Variants in MECOM observed in about 807,000 individuals in gnomAD.
MECOM encodes MDS1 and EVI1 complex locus.
In MECOM, 13 loss-of-function variants were observed where a neutral mutation model predicts 116.3. The ratio of observed to expected loss-of-function variants is 0.11; its 90% CI spans 0.07 to 0.18. The LOEUF (loss-of-function observed/expected upper bound fraction) is 0.18. Ranked by LOEUF, MECOM falls within the 10% of genes least tolerant of loss-of-function variation. The probability of loss-of-function intolerance (pLI) is 1.00; values close to 1 mark genes in which losing one functional copy is unlikely to be tolerated. For missense variants in MECOM, 1,299 were observed against 1,509.0 expected (o/e 0.86, Z 2.31); for synonymous variants, 528 against 535.2 (o/e 0.99, Z 0.19).
intron 1 of MECOM, among the ~76,000 whole-genome samples, chr3:169,620,930 T>A (rs1770636522): frequency 6.6e-6 from 1 of 152,198 alleles, no homozygotes; most frequent in South Asian, 2.1e-4. Flanking sequence ...TATTGCCTGA[T>A]ATAGGAAAAA....
chr3:169,275,180 G>C (rs1759429634), intron 2 of MECOM, among the ~76,000 whole-genome samples: 1 of 152,068 alleles, frequency 6.6e-6, no homozygotes, highest in Non-Finnish European at 1.5e-5. Flanking sequence ...CTTACCATAG[G>C]ACCTGCTAAA....
chr3:169,387,347 A>T (rs908511663), intron 1 of MECOM, among the ~76,000 whole-genome samples: 5 of 152,166 alleles, frequency 3.3e-5, no homozygotes, highest in Non-Finnish European at 7.4e-5. Flanking sequence ...TTCGGTTCTT[A>T]TTTGCAAGGC....
intron 1 of MECOM, among the ~76,000 whole-genome samples, chr3:169,425,674 A>G (rs888823749): frequency 2.0e-5 from 3 of 152,186 alleles, no homozygotes; most frequent in African/African-American, 4.8e-5. Flanking sequence ...GCGATAGAGC[A>G]TATTTAAAAG....
chr3:169,413,555 A>G (rs983325592), intron 1 of MECOM, among the ~76,000 whole-genome samples: 1 of 151,360 alleles, frequency 6.6e-6, no homozygotes, highest in South Asian at 2.1e-4. Flanking sequence ...ACTACCCTGC[A>G]AAGGGGGCTG....
intron 2 of MECOM, among the ~76,000 whole-genome samples, chr3:169,271,419 A>G (rs1758928678): frequency 6.6e-6 from 1 of 152,240 alleles, no homozygotes; most frequent in South Asian, 2.1e-4. Context: ...TTGCTTATGG[A>G]GAAAGCCACA....
At chr3:169,223,407 T>C (rs534120312) in intron 2 of MECOM, among the ~76,000 whole-genome samples, 28 of 151,398 alleles carry the variant, frequency 1.8e-4, no homozygotes, top group Admixed American at 9.2e-4. Context: ...GTCCTTGTGA[T>C]AGTTTGCTCA....
intron 7 of MECOM, among the ~76,000 whole-genome samples, chr3:169,118,462 G>C (rs1729893538): frequency 6.6e-6 from 1 of 152,026 alleles, no homozygotes; most frequent in Admixed American, 6.6e-5. Context: ...AATTTAAACT[G>C]TTTGATACAC....
chr3:169,329,512 G>T (rs138158938), intron 2 of MECOM, among the ~76,000 whole-genome samples: 1 of 152,130 alleles, frequency 6.6e-6, no homozygotes, highest in Admixed American at 6.5e-5. Flanking sequence ...CTTTTCTAAG[G>T]CACTAAGACG....
At chr3:169,213,485 C>G (rs1382048067) in intron 2 of MECOM, among the ~76,000 whole-genome samples, 1 of 151,998 alleles carries the variant, frequency 6.6e-6, no homozygotes, top group Non-Finnish European at 1.5e-5. Context: ...CATTTTGACT[C>G]CATGTTCTCA....
chr3:169,478,091 A>G lies in MECOM; in HGVS notation c.38-96567T>C, dbSNP rs936983596. Reference sequence around the variant, plus strand: ...AAAGACAGGGAAGGAGCAGATAATGAAATTCAGGGATGACAAATGGCTCGG... The same window carrying G: ...AAAGACAGGGAAGGAGCAGATAATGGAATTCAGGGATGACAAATGGCTCGG... On this transcript the variant is annotated intron_variant, in intron 1 of 16. Transcript: ENST00000651503. Among the ~76,000 whole-genome samples the G allele has an allele frequency of 4.6e-5, 7 of 152,338 alleles. No homozygotes were observed. In the East Asian group the frequency reaches 1.4e-3, roughly 29 times the overall value.
chr3:169,432,432 A>G (rs1037523671), intron 1 of MECOM, among the ~76,000 whole-genome samples: 5 of 152,328 alleles, frequency 3.3e-5, no homozygotes, highest in African/African-American at 9.6e-5. Context: ...TGCTGGGATT[A>G]TAGGCGTGAG....
intron 16 of MECOM, among the ~76,000 whole-genome samples, chr3:169,087,909 G>C (rs1718357491): frequency 6.6e-6 from 1 of 152,142 alleles, no homozygotes; most frequent in Admixed American, 6.5e-5. Context: ...GTAGATGGTG[G>C]CTGCTTTAAC....
intron 2 of MECOM, among the ~76,000 whole-genome samples, chr3:169,371,390 A>G (rs1358378170): frequency 6.6e-6 from 1 of 151,994 alleles, no homozygotes; most frequent in Non-Finnish European, 1.5e-5. Flanking sequence ...GTTAAAGGGT[A>G]CAAACTGGCA....
intron 1 of MECOM, among the ~76,000 whole-genome samples, chr3:169,593,303 T>TC (rs770805088): frequency 6.6e-6 from 1 of 152,122 alleles, no homozygotes; most frequent in South Asian, 2.1e-4. Context: ...ATTAATTTTT[T>TC]CAAGACTACA....
At chr3:169,332,171 A>G (rs1046357093) in intron 2 of MECOM, among the ~76,000 whole-genome samples, 11 of 152,190 alleles carry the variant, frequency 7.2e-5, no homozygotes, top group Non-Finnish European at 1.3e-4. Flanking sequence ...CTCTTAAGAA[A>G]GTCACATTAC....
chr3:169,421,200 C>T (rs1392930621), intron 1 of MECOM, among the ~76,000 whole-genome samples: 5 of 151,996 alleles, frequency 3.3e-5, no homozygotes, highest in African/African-American at 1.2e-4. Context: ...GAAGGCTAAA[C>T]GATTAGGTTC....
intron 1 of MECOM, among the ~76,000 whole-genome samples, chr3:169,445,713 G>A (rs1744511778): frequency 6.6e-6 from 1 of 152,110 alleles, no homozygotes; most frequent in African/African-American, 2.4e-5. Flanking sequence ...CTGTGCACCT[G>A]GAAAAGCTGC....
chr3:169,168,318 A>G (rs1743919088), intron 2 of MECOM, among the ~76,000 whole-genome samples: 1 of 142,664 alleles, frequency 7.0e-6, no homozygotes. Flanking sequence ...TACAGGCATG[A>G]GTCACCACAC....
At chr3:169,441,231 C>G (rs773797181) in intron 1 of MECOM, among the ~76,000 whole-genome samples, 13 of 152,068 alleles carry the variant, frequency 8.5e-5, no homozygotes, top group Non-Finnish European at 1.3e-4. Context: ...TTGGACAGAA[C>G]CTTCATCTCT....
Sources: gnomAD v4.1 joint callset for allele counts (sites outside exome capture counted in the v4.1 genomes callset) on GRCh38, gnomAD v4.1.1 for gene constraint, MANE v1.5 for transcripts, NCBI Gene and HGNC (gene_info 2026-07-23, HGNC 2026-07-21) for gene names.